THEMIS: variants seen among roughly 807,000 people sequenced by gnomAD.
THEMIS encodes thymocyte selection associated.
A neutral mutation model predicts 52.6 loss-of-function variants in THEMIS; 37 were observed. The observed-to-expected ratio is 0.70, with a 90% CI of 0.54 to 0.93. THEMIS has a LOEUF of 0.93. Among genes scored for constraint, THEMIS ranks in the 40% least tolerant of loss-of-function variants. THEMIS has a pLI of 0.00. For missense variants in THEMIS, 808 were observed against 763.1 expected (o/e 1.06, Z -0.69); for synonymous variants, 292 against 272.7 (o/e 1.07, Z -0.70).
At chr6:127,714,741 C>A (rs1239385253) in intron 5 of THEMIS, among the ~76,000 whole-genome samples, 3 of 151,924 alleles carry the variant, frequency 2.0e-5, no homozygotes, top group African/African-American at 2.4e-5. Context: ...TCCCCCAGCA[C>A]CTCATGGAAT....
intron 1 of THEMIS, among the ~76,000 whole-genome samples, chr6:127,915,586 AAGAGAGAGAGAGAGAG>A (rs34353449): frequency 2.1e-5 from 3 of 140,440 alleles, no homozygotes; most frequent in East Asian, 4.3e-4. Context: ...GTCAGAGAGA[AAGAGAGAGAGAGAGAG>A]AGAGAGAGAG....
At chr6:127,698,195 A>G in the THEMIS span, among the ~76,000 whole-genome samples, 3 of 152,138 alleles carry the variant, frequency 2.0e-5, no homozygotes, top group Non-Finnish European at 2.9e-5. Flanking sequence ...GTCTTTGACA[A>G]CCTATTGTGA....
At chr6:127,862,200 A>G (rs1016768972) in intron 1 of THEMIS, among the ~76,000 whole-genome samples, 9 of 152,132 alleles carry the variant, frequency 5.9e-5, no homozygotes, top group Non-Finnish European at 1.0e-4. Flanking sequence ...ATCTATCTCA[A>G]TGACACAGCA....
chr6:127,825,388 A>G (rs1362603844), intron 3 of THEMIS, among the ~76,000 whole-genome samples: 1 of 152,218 alleles, frequency 6.6e-6, no homozygotes, highest in Non-Finnish European at 1.5e-5. Flanking sequence ...AAGACGATAC[A>G]GGATGGTGGA....
At chr6:127,726,171 T>C (rs558588937) in intron 4 of THEMIS, among the ~76,000 whole-genome samples, 1 of 152,244 alleles carries the variant, frequency 6.6e-6, no homozygotes, top group South Asian at 2.1e-4. Context: ...ACAGAATCTT[T>C]CTTTTGTGCT....
rs1583275573 is a variant in THEMIS, at chr6:127,785,576, C to A, written c.1758+27307G>T. ...TTCTTTAGATCTTATTTGGTTTAAT[C>A]TTTACCATATAAAAGGATTATAAAA... On this transcript the variant is annotated intron_variant, in intron 4 of 5. Transcript: ENST00000368248. 6.6e-5 allele frequency among the ~76,000 whole-genome samples: 10 copies of A among 151,434 alleles called. No individual in the cohort carries two copies. The South Asian group carries it at 2.1e-3, about 32-fold the overall frequency.
intron 4 of THEMIS, among the ~76,000 whole-genome samples, chr6:127,785,708 C>T (rs1167656950): frequency 6.6e-6 from 1 of 151,746 alleles, no homozygotes; most frequent in East Asian, 1.9e-4. Flanking sequence ...CTTAAGAATA[C>T]TACAAATATA....
In THEMIS at chr6:127,837,783, G is replaced by A. The variant is rs140177075; in HGVS notation, c.251-7849C>T. ...AGATAAAAATGTTTTAAACAATGTC[G>A]AAACTCTACTATAGACACTTCATTT... On this transcript the variant is annotated intron_variant, in intron 2 of 5. Coordinates refer to ENST00000368248, the MANE Select transcript of THEMIS (RefSeq NM_001010923.3). Among the ~76,000 whole-genome samples, 586 of 151,914 alleles carry A rather than the reference G, an allele frequency of 3.9e-3. 8 individuals carry two copies. Among genetic ancestry groups the A allele is most frequent in the South Asian group, 0.025 (122 of 4,812 alleles).
intron 4 of THEMIS, among the ~76,000 whole-genome samples, chr6:127,746,809 T>A (rs1303384370): frequency 2.7e-5 from 1 of 37,588 alleles, no homozygotes; most frequent in Non-Finnish European, 4.0e-5. Flanking sequence ...AATTATATTA[T>A]ATATAATTAT....
intron 1 of THEMIS, among the ~76,000 whole-genome samples, chr6:127,898,763 T>C (rs1781046819): frequency 1.3e-5 from 2 of 151,828 alleles, no homozygotes; most frequent in South Asian, 4.1e-4. Flanking sequence ...AATAGACAAA[T>C]AAAATGTGGA....
At chr6:127,722,360 A>G (rs189052465) in intron 4 of THEMIS, among the ~76,000 whole-genome samples, 46 of 152,058 alleles carry the variant, frequency 3.0e-4, no homozygotes, top group Admixed American at 2.0e-3. Flanking sequence ...GGGTCTGCAC[A>G]TTATACCCTG....
chr6:127,796,602 T>A (rs1218927232), intron 4 of THEMIS, among the ~76,000 whole-genome samples: 1 of 152,180 alleles, frequency 6.6e-6, no homozygotes, highest in African/African-American at 2.4e-5. Flanking sequence ...TTGCCAAAAC[T>A]ATATGAAATT....
chr6:127,834,417 C>CAAAAA (rs34484234), intron 2 of THEMIS, among the ~76,000 whole-genome samples: 2 of 99,426 alleles, frequency 2.0e-5, no homozygotes, highest in Non-Finnish European at 4.0e-5. Flanking sequence ...ACTAAAAATA[C>CAAAAA]AAAAAAAAAA....
In THEMIS at chr6:127,744,381, T is replaced by C. The variant is rs141111508; in HGVS notation, c.1759-24558A>G. Reference sequence around the variant, plus strand: ...ACTAACAGTGACATCTGCACTTCCATGTTCATTGCAGCATTATTCACAATA... The same window carrying C: ...ACTAACAGTGACATCTGCACTTCCACGTTCATTGCAGCATTATTCACAATA... On this transcript the variant is annotated intron_variant, in intron 4 of 5. Coordinates refer to ENST00000368248, the MANE Select transcript of THEMIS (RefSeq NM_001010923.3). Among the ~76,000 whole-genome samples, 4 of 152,206 alleles carry C rather than the reference T, an allele frequency of 2.6e-5. No homozygotes were observed. In the East Asian group the frequency reaches 5.8e-4, roughly 22 times the overall value.
rs1371339862 is a variant in THEMIS at position 127,828,668 on chromosome 6, C to T, written c.709+808G>A. Among the ~76,000 whole-genome samples the T allele has an allele frequency of 4.6e-5, 7 of 152,098 alleles. No homozygotes were observed. In the East Asian group the frequency reaches 9.6e-4, roughly 21 times the overall value. On this transcript the variant is annotated intron_variant, in intron 3 of 5. Coordinates refer to ENST00000368248, the MANE Select transcript of THEMIS (RefSeq NM_001010923.3). ...TCTATGAAGATTGCATATTAAAACA[C>T]GCCGGGCCGGGCGCGATGGCTCACA... is the stretch of plus-strand genomic sequence containing the variant.
At chr6:127,763,990 T>A (rs1263809098) in intron 4 of THEMIS, among the ~76,000 whole-genome samples, 3 of 151,926 alleles carry the variant, frequency 2.0e-5, no homozygotes, top group Non-Finnish European at 4.4e-5. Context: ...AACTTATAGA[T>A]TCCTAAAATC....
chr6:127,812,757 A>C (rs1777953451), intron 4 of THEMIS, 126 bp downstream of exon 4: 11 of 944,050 alleles, frequency 1.2e-5, no homozygotes, highest in Non-Finnish European at 1.6e-5. Context: ...ACTGCACATC[A>C]GAAAAGCTCA....
intron 2 of THEMIS, among the ~76,000 whole-genome samples, chr6:127,850,553 C>T (rs1482114823): frequency 2.0e-5 from 3 of 151,856 alleles, no homozygotes; most frequent in African/African-American, 7.2e-5. Context: ...TATTACTCAT[C>T]TGTAAAAAGA....
chr6:127,736,076 A>T (rs1304931097), intron 4 of THEMIS, among the ~76,000 whole-genome samples: 2 of 152,212 alleles, frequency 1.3e-5, no homozygotes, highest in Admixed American at 6.5e-5. Flanking sequence ...TGCTTGGTGA[A>T]TTGTAGGGAG....
Sources: gnomAD v4.1 joint callset for allele counts (sites outside exome capture counted in the v4.1 genomes callset) on GRCh38, gnomAD v4.1.1 for gene constraint, MANE v1.5 for transcripts, NCBI Gene and HGNC (gene_info 2026-07-23, HGNC 2026-07-21) for gene names.